The following ELMO1 variants were observed in gnomAD, a reference collection of about 807,000 sequenced individuals.
ELMO1 encodes the protein engulfment and cell motility protein 1.
In ELMO1, 26 loss-of-function variants were observed where a neutral mutation model predicts 98.9. The observed-to-expected ratio is 0.26, with a 90% confidence interval of 0.19 to 0.36. The LOEUF is 0.36. Ranked by LOEUF, ELMO1 falls within the 10% of genes least tolerant of loss-of-function variation. The probability of loss-of-function intolerance (pLI) is 1.00; values close to 1 mark genes in which losing one functional copy is unlikely to be tolerated. For synonymous variants in ELMO1, 346 were observed against 346.0 expected (o/e 1.00, Z 0.00); for missense variants, 627 against 935.2 (o/e 0.67, Z 4.30).
chr7:37,321,894 G>C (rs1312107018), intron 2 of ELMO1, among the ~76,000 whole-genome samples: 9 of 109,758 alleles, frequency 8.2e-5, no homozygotes, highest in African/African-American at 3.2e-4. Context: ...GTCTCCCGTT[G>C]TCGCCCAGGT....
chr7:37,129,617 T>C (rs1359347816), intron 14 of ELMO1, among the ~76,000 whole-genome samples: 1 of 152,244 alleles, frequency 6.6e-6, no homozygotes, highest in Non-Finnish European at 1.5e-5. Flanking sequence ...CAAGTTGATT[T>C]TAGTTCCAAA....
chr7:36,889,055 T>C (rs1014069986), intron 17 of ELMO1, among the ~76,000 whole-genome samples: 1 of 152,186 alleles, frequency 6.6e-6, no homozygotes, highest in Non-Finnish European at 1.5e-5. Context: ...GGGCACAGAC[T>C]CAGGTTTTCC....
chr7:37,388,441 A>G (rs1802911332), intron 1 of ELMO1, among the ~76,000 whole-genome samples: 1 of 150,126 alleles, frequency 6.7e-6, no homozygotes, highest in South Asian at 2.1e-4. Context: ...TATTATAATC[A>G]TGTACCACCA....
rs1786752196 is a variant in ELMO1 at position 36,938,606 on chromosome 7, T to C, written c.1438-43589A>G. On this transcript the variant is annotated intron_variant, in intron 16 of 21. Transcript: ENST00000310758. Reference sequence around the variant, plus strand: ...TTAAGTTAAAATAAAATATTTAAGGTATGCATATATCATATTATGATTAAC... The same window carrying C: ...TTAAGTTAAAATAAAATATTTAAGGCATGCATATATCATATTATGATTAAC... 2.0e-5 allele frequency among the ~76,000 whole-genome samples: 3 copies of C among 152,244 alleles called. No individual in the cohort carries two copies. In the South Asian group the frequency reaches 6.2e-4, roughly 32 times the overall value.
chr7:37,088,639 A>G (rs757207488), intron 15 of ELMO1, among the ~76,000 whole-genome samples: 4 of 152,220 alleles, frequency 2.6e-5, no homozygotes, highest in Admixed American at 6.5e-5. Flanking sequence ...CATCATGGCA[A>G]AAGTCCTCGT....
intron 18 of ELMO1, among the ~76,000 whole-genome samples, chr7:36,883,647 G>A (rs776029986): frequency 7.9e-5 from 12 of 151,958 alleles, no homozygotes; most frequent in Non-Finnish European, 1.8e-4. Context: ...CGCTGACCCT[G>A]CCCCACCTTC....
At chr7:37,081,338 A>C (rs1387213486) in intron 15 of ELMO1, among the ~76,000 whole-genome samples, 2 of 152,262 alleles carry the variant, frequency 1.3e-5, no homozygotes, top group Non-Finnish European at 2.9e-5. Context: ...ATTTTCTGAA[A>C]GATGTCTCTA....
intron 16 of ELMO1, among the ~76,000 whole-genome samples, chr7:36,973,783 T>C (rs1164719389): frequency 1.3e-5 from 2 of 152,152 alleles, no homozygotes; most frequent in East Asian, 1.9e-4. Context: ...CGCGCGGCGC[T>C]TGCGAGCCAG....
chr7:37,187,342 G>C (rs1434689680), intron 13 of ELMO1, among the ~76,000 whole-genome samples: 2 of 152,104 alleles, frequency 1.3e-5, no homozygotes, highest in Admixed American at 6.6e-5. Flanking sequence ...GGGTCTTGTT[G>C]GGATAATGAA....
At chr7:37,010,898 T>C (rs1365002422) in intron 16 of ELMO1, among the ~76,000 whole-genome samples, 1 of 152,240 alleles carries the variant, frequency 6.6e-6, no homozygotes, top group Non-Finnish European at 1.5e-5. Context: ...ACGATGAAAG[T>C]ATTTAATGTA....
At chr7:36,934,263 A>G (rs1438827112) in intron 16 of ELMO1, among the ~76,000 whole-genome samples, 1 of 152,186 alleles carries the variant, frequency 6.6e-6, no homozygotes, top group Non-Finnish European at 1.5e-5. Context: ...ACAATGAGAG[A>G]GGCTGCTGCA....
At chr7:37,330,073 T>C (rs774390927) in intron 2 of ELMO1, among the ~76,000 whole-genome samples, 5 of 152,232 alleles carry the variant, frequency 3.3e-5, no homozygotes, top group Non-Finnish European at 7.3e-5. Flanking sequence ...CCACATGGCT[T>C]CTGATGGGAG....
chr7:37,306,312 A>T (rs568627921), intron 4 of ELMO1, among the ~76,000 whole-genome samples: 1 of 152,222 alleles, frequency 6.6e-6, no homozygotes, highest in Non-Finnish European at 1.5e-5. Flanking sequence ...ACACTACAGC[A>T]GTTTGGCTAA....
chr7:37,298,682 T>G (rs1179582802), intron 4 of ELMO1, among the ~76,000 whole-genome samples: 1 of 113,068 alleles, frequency 8.8e-6, no homozygotes, highest in Non-Finnish European at 1.8e-5. Flanking sequence ...ATGTGCCACA[T>G]TTTCTTAATC....
chr7:37,234,584 T>A (rs767725731), intron 7 of ELMO1, among the ~76,000 whole-genome samples: 1 of 152,160 alleles, frequency 6.6e-6, no homozygotes, highest in Non-Finnish European at 1.5e-5. Context: ...GTAGGTAGTT[T>A]GTGGAGTCAG....
chr7:36,976,832 T>C (rs1790589703), intron 16 of ELMO1, among the ~76,000 whole-genome samples: 2 of 152,364 alleles, frequency 1.3e-5, no homozygotes, highest in South Asian at 4.1e-4. Context: ...ATGCCTTCCT[T>C]TCCCTTGAAA....
intron 13 of ELMO1, among the ~76,000 whole-genome samples, chr7:37,154,540 T>C (rs947744074): frequency 6.6e-6 from 1 of 152,170 alleles, no homozygotes; most frequent in Admixed American, 6.5e-5. Flanking sequence ...AATAGCCGAT[T>C]TGATCAAGCG....
intron 1 of ELMO1, among the ~76,000 whole-genome samples, chr7:37,394,576 T>C (rs942566975): frequency 1.3e-5 from 2 of 152,090 alleles, no homozygotes; most frequent in African/African-American, 4.8e-5. Flanking sequence ...CATAAGCATA[T>C]ACATGAGGAG....
intron 1 of ELMO1, among the ~76,000 whole-genome samples, chr7:37,425,647 G>A (rs573472927): frequency 8.5e-5 from 13 of 152,306 alleles, no homozygotes; most frequent in Admixed American, 8.5e-4. Flanking sequence ...AATCACAAAC[G>A]TCAGATTTCC....
Sources: gnomAD v4.1 joint callset for allele counts (sites outside exome capture counted in the v4.1 genomes callset) on GRCh38, gnomAD v4.1.1 for gene constraint, MANE v1.5 for transcripts, NCBI Gene and HGNC (gene_info 2026-07-23, HGNC 2026-07-21) for gene names.